The following FNDC3A variants were observed in gnomAD, a reference collection of about 807,000 sequenced individuals.
FNDC3A encodes the protein fibronectin type-III domain-containing protein 3A.
Under a neutral mutation model 148.9 loss-of-function variants are expected in FNDC3A, and 32 were observed. The ratio of observed to expected loss-of-function variants is 0.21; its 90% CI spans 0.16 to 0.29. The LOEUF (loss-of-function observed/expected upper bound fraction) is 0.29. Among genes scored for constraint, FNDC3A ranks in the 10% least tolerant of loss-of-function variants. The pLI is 1.00. For synonymous variants in FNDC3A, 472 were observed against 473.6 expected, an observed-to-expected ratio of 1.00 and a Z score of 0.04; for missense variants, 1,191 against 1,452.8, an observed-to-expected ratio of 0.82 and a Z score of 2.93.
chr13:49,069,844 C>A (rs185820561), intron 2 of FNDC3A, among the ~76,000 whole-genome samples: 1 of 152,294 alleles, frequency 6.6e-6, no homozygotes, highest in Non-Finnish European at 1.5e-5. Context: ...TCCAAAGCTA[C>A]TTTTGCTAGA....
At position 49,207,563 on chromosome 13, in the gene FNDC3A, TTATTAGAA is replaced by T. The variant is rs1886711145; in HGVS notation, c.*170_*177del. 8 of 439,900 alleles carry T rather than the reference TTATTAGAA, an allele frequency of 1.8e-5. No individual in the cohort carries two copies. In the South Asian group the frequency reaches 5.3e-4, roughly 29 times the overall value. 27.2% of individuals were successfully genotyped at this position (439,900 alleles called of 1,614,324 possible). On this transcript the variant is annotated 3_prime_UTR_variant, in exon 26 of 26. Coordinates refer to ENST00000492622, the MANE Select transcript of FNDC3A (RefSeq NM_001079673.2). ...ATATTGTTAGGTAGAGGCTGGCACT[TTATTAGAA>T]TGCAAGCCACAAAAATATCAATTTT...
chr13:48,985,206 A>G (rs949468485), intron 1 of FNDC3A, among the ~76,000 whole-genome samples: 8 of 152,238 alleles, frequency 5.3e-5, no homozygotes. Flanking sequence ...TATGAAAAAG[A>G]TAACCTGATA....
chr13:49,051,655 G>A (rs545011162), intron 2 of FNDC3A, among the ~76,000 whole-genome samples: 11 of 152,244 alleles, frequency 7.2e-5, no homozygotes, highest in Admixed American at 3.9e-4. Context: ...GTGCTTAGAC[G>A]ATAATCTTTT....
At chr13:49,072,204 A>G (rs1877740955) in intron 2 of FNDC3A, among the ~76,000 whole-genome samples, 1 of 152,136 alleles carries the variant, frequency 6.6e-6, no homozygotes, top group Non-Finnish European at 1.5e-5. Context: ...ATGTTGAAAT[A>G]TGGAACTGTA....
At chr13:49,163,304 G>C (rs535347906) in intron 8 of FNDC3A, among the ~76,000 whole-genome samples, 2 of 152,158 alleles carry the variant, frequency 1.3e-5, no homozygotes, top group Non-Finnish European at 2.9e-5. Flanking sequence ...TGAGCTTTCC[G>C]GCTGCTTTGT....
chr13:49,173,837 T>TAG (rs1469467267), intron 11 of FNDC3A, among the ~76,000 whole-genome samples: 2 of 152,206 alleles, frequency 1.3e-5, no homozygotes, highest in African/African-American at 4.8e-5. Flanking sequence ...ATGTGAAACT[T>TAG]ACCCATTTTA....
At chr13:49,059,657 T>C (rs888655871) in intron 2 of FNDC3A, among the ~76,000 whole-genome samples, 4 of 152,168 alleles carry the variant, frequency 2.6e-5, no homozygotes, top group Non-Finnish European at 5.9e-5. Flanking sequence ...GGTTTCACCA[T>C]GTTAGCCAGG....
chr13:49,152,019 A>C (rs1210587643), intron 8 of FNDC3A, among the ~76,000 whole-genome samples: 1 of 152,224 alleles, frequency 6.6e-6, no homozygotes, highest in East Asian at 1.9e-4. Flanking sequence ...TGCTATTGTG[A>C]ATAGTGCCAC....
chr13:49,041,128 G>A (rs1874892264), intron 2 of FNDC3A, among the ~76,000 whole-genome samples: 1 of 152,208 alleles, frequency 6.6e-6, no homozygotes, highest in Non-Finnish European at 1.5e-5. Flanking sequence ...AAACCTGTGA[G>A]TGGGCGTAGC....
chr13:49,033,368 GGTATTGATGAGT>G (rs1193799944), intron 2 of FNDC3A, among the ~76,000 whole-genome samples: 28 of 152,176 alleles, frequency 1.8e-4, no homozygotes, highest in Non-Finnish European at 2.5e-4. Flanking sequence ...GTTTGAGGTA[GGTATTGATGAGT>G]GTACTGGTAA....
chr13:49,071,061 C>CTTTTTTTTT (rs35935869), intron 2 of FNDC3A, among the ~76,000 whole-genome samples: 1 of 84,716 alleles, frequency 1.2e-5, no homozygotes, highest in Non-Finnish European at 2.1e-5. Flanking sequence ...CCCATGCCGG[C>CTTTTTTTTT]TTTTTTTTTT....
At chr13:49,060,899 T>C (rs1367727123) in intron 2 of FNDC3A, among the ~76,000 whole-genome samples, 1 of 152,112 alleles carries the variant, frequency 6.6e-6, no homozygotes, top group Non-Finnish European at 1.5e-5. Context: ...AATGAAAATG[T>C]TTTGGAAGTA....
intron 2 of FNDC3A, among the ~76,000 whole-genome samples, chr13:49,027,771 A>G (rs557186541): frequency 2.4e-4 from 37 of 152,330 alleles, no homozygotes; most frequent in African/African-American, 8.9e-4. Flanking sequence ...AAAAAAGGCA[A>G]AAATGGAGGA....
intron 6 of FNDC3A, among the ~76,000 whole-genome samples, chr13:49,137,118 T>C (rs1308894936): frequency 6.6e-6 from 1 of 152,080 alleles, no homozygotes; most frequent in Non-Finnish European, 1.5e-5. Flanking sequence ...TGAGCCACTG[T>C]CCCCAACCTA....
intron 2 of FNDC3A, among the ~76,000 whole-genome samples, chr13:49,011,485 C>T (rs531700313): frequency 7.2e-5 from 11 of 152,250 alleles, no homozygotes; most frequent in Admixed American, 2.0e-4. Flanking sequence ...CCACCCACCT[C>T]GGTCCCCCAA....
intron 1 of FNDC3A, among the ~76,000 whole-genome samples, chr13:48,999,930 A>G (rs529207986): frequency 3.9e-5 from 6 of 152,340 alleles, no homozygotes; most frequent in African/African-American, 1.4e-4. Flanking sequence ...CAGAAGTGTG[A>G]CAAATAAATG....
At chr13:48,997,531 GC>G (rs1423636150) in intron 1 of FNDC3A, among the ~76,000 whole-genome samples, 4 of 152,194 alleles carry the variant, frequency 2.6e-5, no homozygotes, top group Non-Finnish European at 5.9e-5. Flanking sequence ...TTAGAGGAGA[GC>G]ATGAGCATGG....
intron 4 of FNDC3A, among the ~76,000 whole-genome samples, chr13:49,115,195 A>AAT (rs565704921): frequency 0.012 from 1,377 of 115,874 alleles, 12 homozygotes; most frequent in Middle Eastern, 0.025. Context: ...GGGGGGGGGG[A>AAT]AATAAAAAAA....
At chr13:49,138,867 C>A in intron 7 of FNDC3A, 62 bp downstream of exon 7, 3 of 895,486 alleles carry the variant, frequency 3.4e-6, no homozygotes, top group South Asian at 1.9e-5. Flanking sequence ...GATGTTCATC[C>A]ATCAAAATGT....
Sources: gnomAD v4.1 joint callset for allele counts (sites outside exome capture counted in the v4.1 genomes callset) on GRCh38, gnomAD v4.1.1 for gene constraint, MANE v1.5 for transcripts, NCBI Gene and HGNC (gene_info 2026-07-23, HGNC 2026-07-21) for gene names.